The following PCNX1 variants were observed in gnomAD, a reference collection of about 807,000 sequenced individuals.
PCNX1 encodes the protein pecanex-like protein 1.
In PCNX1, 78 loss-of-function variants were observed where a neutral mutation model predicts 242.2. That is an observed-to-expected ratio of 0.32 (90% CI 0.27 to 0.39). The LOEUF (loss-of-function observed/expected upper bound fraction) is 0.39, where lower values mean the gene tolerates loss of function less well. Among genes scored for constraint, PCNX1 ranks in the 10% least tolerant of loss-of-function variants. The pLI is 1.00. For synonymous variants in PCNX1, 1,024 were observed against 1,032.9 expected (o/e 0.99, Z 0.17); for missense variants, 2,581 against 2,856.5 (o/e 0.90, Z 2.20).
intron 1 of PCNX1, among the ~76,000 whole-genome samples, chr14:70,908,487 C>T (rs912649892): frequency 6.6e-6 from 1 of 152,224 alleles, no homozygotes; most frequent in Non-Finnish European, 1.5e-5. Flanking sequence ...GCCGCCTCGC[C>T]GCTAATCCGC....
chr14:71,104,887 C>G (rs1289963074), intron 32 of PCNX1, among the ~76,000 whole-genome samples: 2 of 151,976 alleles, frequency 1.3e-5, no homozygotes, highest in Non-Finnish European at 2.9e-5. Flanking sequence ...GATTGTGCCA[C>G]TGCACTCCAG....
At chr14:70,912,328 A>G (rs1337301774) in intron 1 of PCNX1, among the ~76,000 whole-genome samples, 1 of 152,228 alleles carries the variant, frequency 6.6e-6, no homozygotes, top group African/African-American at 2.4e-5. Context: ...TCACTTGACA[A>G]TGTTAATGAT....
chr14:71,090,019 T>G (rs143124881), intron 30 of PCNX1, among the ~76,000 whole-genome samples: 1 of 152,342 alleles, frequency 6.6e-6, no homozygotes, highest in African/African-American at 2.4e-5. Context: ...TTATTTTGAC[T>G]TCATATTATT....
chr14:70,979,523 C>G (rs74060519), intron 6 of PCNX1, among the ~76,000 whole-genome samples: 1,860 of 149,504 alleles, frequency 0.012, 43 homozygotes, highest in African/African-American at 0.043. Flanking sequence ...TCAGAAAAAT[C>G]AGGTCTTTTG....
chr14:70,973,252 CAAAAAAA>C lies in PCNX1; in HGVS notation c.605-3679_605-3673del, dbSNP rs71448337. Among the ~76,000 whole-genome samples the C allele has an allele frequency of 4.6e-3, 369 of 80,458 alleles. 2 individuals are homozygous for C. Among genetic ancestry groups the C allele is most frequent in the African/African-American group, 0.016 (320 of 20,248 alleles). The allele number at this position is 80,458 out of a possible 152,430, so 52.8% of individuals were successfully genotyped here. On this transcript the variant is annotated intron_variant, in intron 5 of 35. Transcript: ENST00000304743. ...TGAGTGACAGAGCAACACTCTGTCT[CAAAAAAA>C]AAAAAAAAAAGAAAAAGTGAAAAGT... is the stretch of plus-strand genomic sequence containing the variant.
intron 26 of PCNX1, among the ~76,000 whole-genome samples, chr14:71,061,736 A>G (rs1174684456): frequency 6.6e-6 from 1 of 152,202 alleles, no homozygotes; most frequent in Non-Finnish European, 1.5e-5. Context: ...CCAAGGATGA[A>G]GAGATTGCAA....
intron 26 of PCNX1, among the ~76,000 whole-genome samples, chr14:71,066,958 C>T (rs887107174): frequency 6.6e-6 from 1 of 152,160 alleles, no homozygotes; most frequent in Non-Finnish European, 1.5e-5. Flanking sequence ...AGGGATGAAG[C>T]CAACTTGATC....
intron 16 of PCNX1, among the ~76,000 whole-genome samples, chr14:71,030,387 C>T (rs1424274947): frequency 6.6e-6 from 1 of 151,814 alleles, no homozygotes; most frequent in East Asian, 1.9e-4. Flanking sequence ...CCATTTATTC[C>T]TCAGAGTATT....
intron 1 of PCNX1, among the ~76,000 whole-genome samples, chr14:70,920,566 A>G (rs771605396): frequency 1.3e-5 from 2 of 152,226 alleles, no homozygotes; most frequent in Non-Finnish European, 2.9e-5. Context: ...CCATTAACCT[A>G]TATTAGGCTA....
chr14:71,041,497 ATAG>A (rs1418777154), intron 19 of PCNX1, among the ~76,000 whole-genome samples: 1 of 152,164 alleles, frequency 6.6e-6, no homozygotes, highest in Non-Finnish European at 1.5e-5. Context: ...ATAGTTACTC[ATAG>A]TAGCCACTAA....
chr14:71,065,308 A>T (rs1484542284), intron 26 of PCNX1, among the ~76,000 whole-genome samples: 1 of 152,170 alleles, frequency 6.6e-6, no homozygotes, highest in Non-Finnish European at 1.5e-5. Flanking sequence ...AATGATCGCC[A>T]TTGTAACTGG....
intron 1 of PCNX1, among the ~76,000 whole-genome samples, chr14:70,911,282 C>A (rs1423708478): frequency 1.3e-5 from 2 of 152,036 alleles, no homozygotes; most frequent in South Asian, 2.1e-4. Context: ...TTATTTATTC[C>A]CCCCCAAAAA....
intron 2 of PCNX1, among the ~76,000 whole-genome samples, chr14:70,951,285 T>C (rs2057767489): frequency 6.6e-6 from 1 of 152,172 alleles, no homozygotes; most frequent in African/African-American, 2.4e-5. Context: ...GTTTTTATCA[T>C]AGTGGCTTTA....
At chr14:70,960,714 G>A (rs1156851795) in intron 2 of PCNX1, among the ~76,000 whole-genome samples, 1 of 152,148 alleles carries the variant, frequency 6.6e-6, no homozygotes, top group Non-Finnish European at 1.5e-5. Flanking sequence ...AGGAAAAGAG[G>A]AAGTCAAATT....
intron 10 of PCNX1, chr14:71,012,776 G>A (rs1291806072): frequency 4.2e-6 from 2 of 477,612 alleles, no homozygotes; most frequent in African/African-American, 2.1e-5. Context: ...AGGTTGCAGT[G>A]AGCCGAGATT....
At chr14:70,957,739 A>T (rs1224202069) in intron 2 of PCNX1, among the ~76,000 whole-genome samples, 2 of 152,218 alleles carry the variant, frequency 1.3e-5, no homozygotes, top group Non-Finnish European at 2.9e-5. Flanking sequence ...CCATTGAATT[A>T]TACAGCTTAA....
Position 71,026,851 on chromosome 14 carries a change from A to C in PCNX1, c.3435A>C (p.Glu1145Asp). ...QVNTFVMYLC[E>D]QLDIHIFGGN... is the part of the protein sequence containing the mutation. ...ATACATTTGTAATGTACCTTTGTGAACAATTGGATATTCATATTTTTGGTG... is the reference window on the plus strand; with the variant it reads ...ATACATTTGTAATGTACCTTTGTGACCAATTGGATATTCATATTTTTGGTG... Residue 1145 changes from glutamate (E) to aspartate (D), a missense_variant, in exon 15 of 36, where the codon GAA becomes GAC. By Grantham distance (45) the Glu-to-Asp change is conservative (BLOSUM62 2). Around this residue, in one of 9 missense-constraint regions of PCNX1, gnomAD observed 432 missense variants for 443.1 expected, o/e 0.97. Transcript: ENST00000304743. The C allele has an allele frequency of 6.4e-7, 1 of 1,552,962 alleles. No individual in the cohort carries two copies. Among genetic ancestry groups the C allele is most frequent in the Non-Finnish European group, 8.9e-7 (1 of 1,125,866 alleles).
chr14:70,930,794 G>T (rs978312688), intron 1 of PCNX1, among the ~76,000 whole-genome samples: 3 of 151,566 alleles, frequency 2.0e-5, no homozygotes, highest in Middle Eastern at 3.4e-3. Context: ...TTTTCCTTTG[G>T]GAAAGTATGC....
Position 70,954,972 on chromosome 14 carries a change from T to G in PCNX1, c.363-7254T>G, listed in dbSNP as rs942922337. Among the ~76,000 whole-genome samples the G allele has an allele frequency of 2.6e-5, 4 of 152,354 alleles. No individual in the cohort carries two copies. The South Asian group carries it at 8.3e-4, about 32-fold the overall frequency. On this transcript the variant is annotated intron_variant, in intron 2 of 35. Coordinates refer to ENST00000304743, the MANE Select transcript of PCNX1 (RefSeq NM_014982.3). ...AAATGAATAGGAAAATAAATACTTG[T>G]GTATCTAGATCCTATCACTGTGCGT...
Sources: allele counts gnomAD v4.1 joint callset (sites outside exome capture counted in the v4.1 genomes callset), GRCh38; gene constraint gnomAD v4.1.1; regional missense constraint gnomAD v4.1.1; transcripts MANE v1.5; gene names NCBI Gene and HGNC (gene_info 2026-07-23, HGNC 2026-07-21).